ZNF609: variants seen among roughly 807,000 people sequenced by gnomAD.
ZNF609 encodes zinc finger protein 609.
A neutral mutation model predicts 109.5 loss-of-function variants in ZNF609; 11 were observed. The observed-to-expected ratio is 0.10, with a 90% CI of 0.06 to 0.17. The LOEUF is 0.17. Among genes scored for constraint, ZNF609 ranks in the 10% least tolerant of loss-of-function variants. ZNF609 has a pLI of 1.00. For synonymous variants in ZNF609, 646 were observed against 662.0 expected (o/e 0.98, Z 0.37); for missense variants, 1,559 against 1,772.4 (o/e 0.88, Z 2.16).
upstream of ZNF609, among the ~76,000 whole-genome samples, chr15:64,459,995 T>G (rs891073381): frequency 6.6e-6 from 1 of 152,066 alleles, no homozygotes; most frequent in Non-Finnish European, 1.5e-5. Flanking sequence ...AAGGGATATA[T>G]AGAGGGATTA....
chr15:64,627,999 G>T lies in ZNF609; in HGVS notation c.973+4947G>T, dbSNP rs543108321. On this transcript the variant is annotated intron_variant, in intron 3 of 9. Coordinates refer to ENST00000326648, the MANE Select transcript of ZNF609 (RefSeq NM_015042.2). ...TTATAAAAATCTATGCAGGCCAGGT[G>T]TGGTGGCTCATGCCTGTAATCCCAG... Among the ~76,000 whole-genome samples the T allele has an allele frequency of 3.3e-5, 5 of 151,794 alleles. No homozygotes were observed. The East Asian group carries it at 9.9e-4, about 30-fold the overall frequency.
At chr15:64,608,039 C>T (rs1264550206) in intron 2 of ZNF609, among the ~76,000 whole-genome samples, 1 of 151,050 alleles carries the variant, frequency 6.6e-6, no homozygotes, top group Non-Finnish European at 1.5e-5. Flanking sequence ...GCTGGGATTA[C>T]AGGCATGCGC....
intron 1 of ZNF609, among the ~76,000 whole-genome samples, chr15:64,474,565 A>G (rs1015197035): frequency 6.6e-6 from 1 of 151,874 alleles, no homozygotes; most frequent in Non-Finnish European, 1.5e-5. Flanking sequence ...CAATAACCTC[A>G]TGGTTATTGC....
intron 3 of ZNF609, among the ~76,000 whole-genome samples, chr15:64,648,081 C>G (rs1896360983): frequency 6.6e-6 from 1 of 152,156 alleles, no homozygotes; most frequent in African/African-American, 2.4e-5. Flanking sequence ...TGCTTTAGTC[C>G]ACAGTTTTAT....
At chr15:64,544,757 G>C (rs868087892) in intron 2 of ZNF609, among the ~76,000 whole-genome samples, 1 of 152,182 alleles carries the variant, frequency 6.6e-6, no homozygotes, top group African/African-American at 2.4e-5. Flanking sequence ...GTCAGCAAGC[G>C]AACCCCTTTT....
intron 2 of ZNF609, among the ~76,000 whole-genome samples, chr15:64,592,131 C>T (rs1011391246): frequency 6.6e-6 from 1 of 151,088 alleles, no homozygotes; most frequent in Non-Finnish European, 1.5e-5. Flanking sequence ...CATCACTGCA[C>T]TCCAGCCTGT....
intron 2 of ZNF609, among the ~76,000 whole-genome samples, chr15:64,545,045 A>G (rs1894332701): frequency 6.6e-6 from 1 of 152,230 alleles, no homozygotes; most frequent in Non-Finnish European, 1.5e-5. Context: ...CTTGCTATTT[A>G]GCAAGATTAA....
chr15:64,670,851 C>G (rs946755489), intron 4 of ZNF609, among the ~76,000 whole-genome samples: 9 of 144,106 alleles, frequency 6.2e-5, no homozygotes, highest in African/African-American at 2.4e-4. Context: ...GCACTCCAGC[C>G]TGGGCAACAA....
intron 1 of ZNF609, among the ~76,000 whole-genome samples, chr15:64,474,024 C>T (rs560046873): frequency 2.0e-5 from 3 of 152,094 alleles, no homozygotes; most frequent in African/African-American, 4.8e-5. Flanking sequence ...CCACCTGCCT[C>T]GGCCTCCCAA....
At chr15:64,475,301 C>G (rs1332806591) in intron 1 of ZNF609, among the ~76,000 whole-genome samples, 1 of 151,666 alleles carries the variant, frequency 6.6e-6, no homozygotes, top group African/African-American at 2.4e-5. Context: ...CCACTTCTTC[C>G]TATCCACCTA....
At chr15:64,565,091 G>A (rs573637752) in intron 2 of ZNF609, among the ~76,000 whole-genome samples, 4 of 143,360 alleles carry the variant, frequency 2.8e-5, no homozygotes, top group Admixed American at 7.2e-5. Context: ...CTTGATTCTC[G>A]GTCTGTCACC....
intron 1 of ZNF609, among the ~76,000 whole-genome samples, chr15:64,481,985 A>G (rs1055711605): frequency 5.3e-5 from 8 of 151,940 alleles, no homozygotes; most frequent in African/African-American, 9.7e-5. Flanking sequence ...GGGTTTCACC[A>G]TGTTGATCAG....
chr15:64,596,269 TCA>T (rs748012772), intron 2 of ZNF609, among the ~76,000 whole-genome samples: 1 of 152,132 alleles, frequency 6.6e-6, no homozygotes, highest in Admixed American at 6.5e-5. Context: ...TTCTCCTGAC[TCA>T]GTCTCCAGAG....
intron 3 of ZNF609, among the ~76,000 whole-genome samples, chr15:64,656,349 C>T (rs892602898): frequency 1.3e-5 from 2 of 152,204 alleles, no homozygotes; most frequent in African/African-American, 4.8e-5. Flanking sequence ...AGGCGTGAGC[C>T]ACCATGCCTA....
chr15:64,655,145 G>GA (rs1187409862), intron 3 of ZNF609, among the ~76,000 whole-genome samples: 80 of 133,820 alleles, frequency 6.0e-4, no homozygotes, highest in African/African-American at 7.6e-4. Flanking sequence ...AAACAGAATA[G>GA]AAAAAAAAAA....
rs546724130 is a variant in ZNF609, at chr15:64,668,759, GC to G, written c.974-1585del. Reference sequence around the variant, plus strand: ...ACATGAGGTCGGGAGATTGAGACCAGCCTGACCAACATGGAGAAACTCTGTC... The same window carrying G: ...ACATGAGGTCGGGAGATTGAGACCAGCTGACCAACATGGAGAAACTCTGTC... On this transcript the variant is annotated intron_variant, in intron 3 of 9. Transcript: ENST00000326648. 8.7e-4 allele frequency among the ~76,000 whole-genome samples: 133 copies of G among 152,082 alleles called. 2 individuals carry two copies. Among genetic ancestry groups the G allele is most frequent in the African/African-American group, 3.2e-3 (132 of 41,486 alleles).
intron 2 of ZNF609, among the ~76,000 whole-genome samples, chr15:64,602,031 G>A (rs996103125): frequency 6.6e-6 from 1 of 152,058 alleles, no homozygotes; most frequent in African/African-American, 2.4e-5. Flanking sequence ...TACTTCAAAG[G>A]AGTGTTATGA....
rs1416746226 is a variant in ZNF609, at chr15:64,498,910, G to A, written c.-127-383G>A. Reference sequence around the variant, plus strand: ...GTAAGAAAAAGCAAGGAGAAATGGGGGTATAAGTAAAGTTGTGCTAGAGCT... The same window carrying A: ...GTAAGAAAAAGCAAGGAGAAATGGGAGTATAAGTAAAGTTGTGCTAGAGCT... On this transcript the variant is annotated intron_variant, in intron 1 of 9. Coordinates refer to ENST00000326648, the MANE Select transcript of ZNF609 (RefSeq NM_015042.2). 2.0e-5 allele frequency among the ~76,000 whole-genome samples: 3 copies of A among 152,244 alleles called. No homozygotes were observed. The East Asian group carries it at 5.8e-4, about 29-fold the overall frequency.
chr15:64,665,906 CAAAAAT>C, intron 3 of ZNF609, among the ~76,000 whole-genome samples: 1 of 150,370 alleles, frequency 6.7e-6, no homozygotes, highest in East Asian at 1.9e-4. Flanking sequence ...AACTCCATCT[CAAAAAT>C]AAAAATTAAA....
Sources: gnomAD v4.1 joint callset for allele counts (sites outside exome capture counted in the v4.1 genomes callset) on GRCh38, gnomAD v4.1.1 for gene constraint, MANE v1.5 for transcripts, NCBI Gene and HGNC (gene_info 2026-07-23, HGNC 2026-07-21) for gene names.